Variants in ALS2 observed in about 807,000 individuals in gnomAD.
ALS2 encodes the protein alsin Rho guanine nucleotide exchange factor ALS2, also known as alsin.
A neutral mutation model predicts 203.4 loss-of-function variants in ALS2; 117 were observed. The observed-to-expected ratio is 0.58, with a 90% CI of 0.50 to 0.67. The LOEUF is 0.67. Ranked by LOEUF, ALS2 falls within the 30% of genes least tolerant of loss-of-function variation. The pLI is 0.00. For missense variants in ALS2, 1,715 were observed against 1,989.4 expected (o/e 0.86, Z 2.62); for synonymous variants, 718 against 725.9 (o/e 0.99, Z 0.17).
chr2:201,701,952 T>C (rs1324002331), intron 33 of ALS2, 63 bp from the exon 34 acceptor site: 6 of 1,456,958 alleles, frequency 4.1e-6, no homozygotes, highest in African/African-American at 1.4e-5. Context: ...AAGAGAGCAA[T>C]GCATATGGGA....
At chr2:201,718,877 A>G (rs974849035) in intron 23 of ALS2, among the ~76,000 whole-genome samples, 4 of 152,208 alleles carry the variant, frequency 2.6e-5, no homozygotes, top group African/African-American at 9.6e-5. Context: ...TCAGTAATGT[A>G]AAATTCCACC....
Position 201,757,763 on chromosome 2 carries a change from A to G in ALS2, c.1114-4T>C, listed in dbSNP as rs1297066163. 6.3e-7 allele frequency: 1 copy of G among 1,590,476 alleles called. No homozygotes were observed. The highest frequency in any genetic ancestry group is 1.3e-5 in the African/African-American group (1 of 74,658). On this transcript the variant is annotated splice_region_variant and splice_polypyrimidine_tract_variant and intron_variant, in intron 4 of 33. Transcript: ENST00000264276. ...GAATTGCTTCTTCTAAAAGAGGCTA[A>G]AATATACACACATAAAAAATTATAT...
intron 27 of ALS2, 54 bp downstream of exon 27, chr2:201,709,827 C>T: frequency 6.2e-7 from 1 of 1,608,780 alleles, no homozygotes; most frequent in Non-Finnish European, 8.5e-7. Flanking sequence ...TACCCAAGCA[C>T]TGGTATAAAA....
Position 201,724,426 on chromosome 2 carries a change from A to C in ALS2, c.3381T>G (p.Phe1127Leu). Reference sequence around the variant, plus strand: ...CATGACCATGACGCATATTATCTTGAAAACAGCCCTCAAATACTTCACCAG... The same window carrying C: ...CATGACCATGACGCATATTATCTTGCAAACAGCCCTCAAATACTTCACCAG... ...YASGEVFEGC[F>L]QDNMRHGHGL... The change falls in exon 21 of 34, where the codon TTT (phenylalanine) becomes TTG (leucine). Residue 1127 changes from phenylalanine to leucine, a missense_variant. Physicochemically the swap from Phe to Leu is conservative, Grantham distance 22 (BLOSUM62 0). Transcript: ENST00000264276. 6.2e-7 allele frequency: 1 copy of C among 1,614,104 alleles called. No individual in the cohort carries two copies. Among genetic ancestry groups the C allele is most frequent in the Non-Finnish European group, 8.5e-7 (1 of 1,179,976 alleles).
intron 7 of ALS2, among the ~76,000 whole-genome samples, chr2:201,751,095 C>T (rs1276877929): frequency 1.3e-5 from 2 of 151,982 alleles, no homozygotes; most frequent in South Asian, 2.1e-4. Context: ...TCAGGTGATC[C>T]GCCCACCTCA....
intron 8 of ALS2, 139 bp downstream of exon 8, chr2:201,749,573 A>C: frequency 2.4e-6 from 2 of 830,392 alleles, no homozygotes; most frequent in Non-Finnish European, 3.9e-6. Flanking sequence ...CTGTTTTTAA[A>C]AATTTTCTTA....
chr2:201,749,418 G>C (rs896584518), intron 8 of ALS2, among the ~76,000 whole-genome samples: 6 of 152,062 alleles, frequency 3.9e-5, no homozygotes, highest in Non-Finnish European at 7.3e-5. Flanking sequence ...AAACAGCAGA[G>C]TCCTAGAAAC....
chr2:201,767,480 T>C, intron 2 of ALS2, 97 bp from the exon 3 acceptor site: 1 of 1,378,452 alleles, frequency 7.3e-7, no homozygotes, highest in Non-Finnish European at 1.0e-6. Context: ...TACCAGCACA[T>C]GGATGACTAG....
In ALS2 at chr2:201,723,323, C is replaced by A; in HGVS notation, c.3624+7G>T. Reference sequence around the variant, plus strand: ...TAGTAATAACTACATGCAAATATTCCACTCACCATCATTTTATTAAGGTGA... The same window carrying A: ...TAGTAATAACTACATGCAAATATTCAACTCACCATCATTTTATTAAGGTGA... On this transcript the variant is annotated splice_region_variant and intron_variant, in intron 22 of 33. Coordinates refer to ENST00000264276, the MANE Select transcript of ALS2 (RefSeq NM_020919.4). 2 of 1,594,322 alleles carry A rather than the reference C, an allele frequency of 1.3e-6. No homozygotes were observed. Among genetic ancestry groups the A allele is most frequent in the Non-Finnish European group, 1.7e-6 (2 of 1,162,046 alleles).
Position 201,754,713 on chromosome 2 carries a change from G to A in ALS2, c.1472-42C>T, listed in dbSNP as rs373976146. On this transcript the variant is annotated intron_variant, in intron 5 of 33. Transcript: ENST00000264276. ...CGTGGGGTGAAGGAGTGGGAGTCCA[G>A]AGGGTAAGAAAACATATCATTTGGA... 2.4e-4 allele frequency: 384 copies of A among 1,606,862 alleles called. 3 individuals carry two copies. The South Asian group carries it at 4.0e-3, about 17-fold the overall frequency.
rs1275103532 is a variant in ALS2, at chr2:201,738,467, T to C, written c.2417+203A>G. 1.4e-5 allele frequency: 8 copies of C among 583,818 alleles called. No individual in the cohort carries two copies. In the Admixed American group the frequency reaches 2.1e-4, roughly 15 times the overall value. The allele number at this position is 583,818 out of a possible 1,614,324, so 36.2% of individuals were successfully genotyped here. A position where few individuals can be genotyped will look rare whatever the true frequency, so the allele number is the denominator to read the frequency against. ...CCCGAACCTGAGCCTAGTCATTCAG[T>C]ACTTTTTCAATAGCATACTACTTAT... On this transcript the variant is annotated intron_variant, in intron 12 of 33. Coordinates refer to ENST00000264276, the MANE Select transcript of ALS2 (RefSeq NM_020919.4).
intron 33 of ALS2, among the ~76,000 whole-genome samples, chr2:201,702,360 AAT>A (rs1428430569): frequency 3.9e-5 from 6 of 151,972 alleles, no homozygotes; most frequent in African/African-American, 1.5e-4. Context: ...CAGGTATGGG[AAT>A]TACTCATACC....
intron 2 of ALS2, among the ~76,000 whole-genome samples, chr2:201,768,360 G>C (rs749390945): frequency 2.0e-5 from 3 of 152,112 alleles, no homozygotes; most frequent in Non-Finnish European, 4.4e-5. Context: ...GCCACCATTG[G>C]TAATACATTT....
chr2:201,733,629 T>C lies in ALS2; in HGVS notation c.2418-191A>G, dbSNP rs1421868647. On this transcript the variant is annotated intron_variant, in intron 12 of 33. Coordinates refer to ENST00000264276, the MANE Select transcript of ALS2 (RefSeq NM_020919.4). ...CCTATCTATAAGACAGGATTTTTAGTATGAAAAGTAGCAAATGGTAGCAAT... is the reference window on the plus strand; with the variant it reads ...CCTATCTATAAGACAGGATTTTTAGCATGAAAAGTAGCAAATGGTAGCAAT... Among the ~76,000 whole-genome samples, 4 of 152,190 alleles carry C rather than the reference T, an allele frequency of 2.6e-5. No homozygotes were observed. The East Asian group carries it at 7.7e-4, about 29-fold the overall frequency.
intron 13 of ALS2, among the ~76,000 whole-genome samples, chr2:201,732,251 A>C (rs1219442960): frequency 2.0e-5 from 3 of 152,094 alleles, no homozygotes; most frequent in Admixed American, 1.3e-4. Flanking sequence ...CCAAAGATTA[A>C]GAGGATTCTA....
rs181426440 is a variant in ALS2, at chr2:201,745,727, T to C, written c.1998+839A>G. Among the ~76,000 whole-genome samples, 57 of 152,252 alleles carry C rather than the reference T, an allele frequency of 3.7e-4. No individual in the cohort carries two copies. The East Asian group carries it at 0.01, about 28-fold the overall frequency. ...ATTTCAGGAGGCTGAGGCGGGCAGA[T>C]CACTTGAGGTCAGGAGTTCAAGACC... On this transcript the variant is annotated intron_variant, in intron 9 of 33. Transcript: ENST00000264276.
At chr2:201,717,623 G>T (rs1056098940) in intron 24 of ALS2, among the ~76,000 whole-genome samples, 3 of 148,776 alleles carry the variant, frequency 2.0e-5, no homozygotes, top group Admixed American at 6.8e-5. Context: ...ATTCAAGGAG[G>T]TTACATCTTG....
intron 3 of ALS2, chr2:201,765,708 T>C (rs1574796346): frequency 6.0e-6 from 1 of 167,116 alleles, no homozygotes; most frequent in East Asian, 1.9e-4. Flanking sequence ...CAAGTCAAAT[T>C]TGTCATGATT....
chr2:201,753,371 G>T, intron 6 of ALS2, 129 bp from the exon 7 acceptor site: 1 of 778,620 alleles, frequency 1.3e-6, no homozygotes, highest in South Asian at 1.5e-5. Flanking sequence ...TAAACATAAT[G>T]GATATATGGT....
Sources: gnomAD v4.1 joint callset for allele counts (sites outside exome capture counted in the v4.1 genomes callset) on GRCh38, gnomAD v4.1.1 for gene constraint, MANE v1.5 for transcripts, NCBI Gene and HGNC (gene_info 2026-07-23, HGNC 2026-07-21) for gene names.